The following TIAM1 variants were observed in gnomAD, a reference collection of about 807,000 sequenced individuals.
TIAM1 encodes rho guanine nucleotide exchange factor TIAM1.
A neutral mutation model predicts 163.5 loss-of-function variants in TIAM1; 65 were observed. That is an observed-to-expected ratio of 0.40 (90% confidence interval 0.33 to 0.49). The LOEUF is 0.49. Ranked by LOEUF, TIAM1 falls within the 20% of genes least tolerant of loss-of-function variation. TIAM1 has a pLI of 0.77. For missense variants in TIAM1, 1,789 were observed against 2,044.7 expected, an observed-to-expected ratio of 0.87 and a Z score of 2.41; for synonymous variants, 833 against 810.1, an observed-to-expected ratio of 1.03 and a Z score of -0.48.
At chr21:31,412,930 G>T (rs899189720) in intron 2 of TIAM1, among the ~76,000 whole-genome samples, 1 of 152,038 alleles carries the variant, frequency 6.6e-6, no homozygotes, top group African/African-American at 2.4e-5. Context: ...TCACTCACAG[G>T]CCGCATACCT....
chr21:31,164,951 A>G lies in TIAM1; in HGVS notation c.2991+11T>C. 6.2e-7 allele frequency: 1 copy of G among 1,613,504 alleles called. No homozygotes were observed. The highest frequency in any genetic ancestry group is 8.5e-7 in the Non-Finnish European group (1 of 1,179,600). ...TTCAAAGCATGGGATGTGAAAATGAAAATCTCTCACCTTGCTGCTGTGATC... is the reference window on the plus strand; with the variant it reads ...TTCAAAGCATGGGATGTGAAAATGAGAATCTCTCACCTTGCTGCTGTGATC... On this transcript the variant is annotated intron_variant, in intron 16 of 27. Coordinates refer to ENST00000541036, the MANE Select transcript of TIAM1 (RefSeq NM_001353694.2).
rs935137873 is a variant in TIAM1 at position 31,295,222 on chromosome 21, G to C, written c.-188-18314C>G. Among the ~76,000 whole-genome samples, 109 of 152,134 alleles carry C rather than the reference G, an allele frequency of 7.2e-4. 1 individual carries two copies. The highest frequency in any genetic ancestry group is 1.2e-3 in the Non-Finnish European group (80 of 68,038). On this transcript the variant is annotated intron_variant, in intron 2 of 27. Coordinates refer to ENST00000541036, the MANE Select transcript of TIAM1 (RefSeq NM_001353694.2). ...GCGGTGGCTTACGCCTGCAATCCCA[G>C]CACTTTGGGAGGCCAAGGCGGGCGG...
rs373702154 is a variant in TIAM1, at chr21:31,327,643, C to CAAAAAAAA, written c.-189+11592_-189+11599dup. ...GCAACAGAGTGAAACGCCGCCATCT[C>CAAAAAAAA]AAAAAAAAAAAAAAAAAAAGGAAAG... On this transcript the variant is annotated intron_variant, in intron 2 of 27. Coordinates refer to ENST00000541036, the MANE Select transcript of TIAM1 (RefSeq NM_001353694.2). Among the ~76,000 whole-genome samples the CAAAAAAAA allele has an allele frequency of 9.2e-3, 636 of 69,184 alleles. 17 individuals are homozygous for CAAAAAAAA. The highest frequency in any genetic ancestry group is 0.016 in the African/African-American group (247 of 15,212). The allele number at this position is 69,184 out of a possible 152,430, so 45.4% of individuals were successfully genotyped here.
chr21:31,374,931 G>A (rs1016638753), intron 2 of TIAM1, among the ~76,000 whole-genome samples: 1 of 152,170 alleles, frequency 6.6e-6, no homozygotes, highest in Non-Finnish European at 1.5e-5. Context: ...CACTAAAAAT[G>A]AAGTTTGGCA....
At chr21:31,308,705 G>T (rs2074811617) in intron 2 of TIAM1, among the ~76,000 whole-genome samples, 1 of 152,064 alleles carries the variant, frequency 6.6e-6, no homozygotes, top group South Asian at 2.1e-4. Flanking sequence ...TGATGGAGGT[G>T]GGAGGGTTGC....
In TIAM1 at chr21:31,203,114, TTTGTTGTTG is replaced by T. The variant is rs370954256; in HGVS notation, c.2389-111_2389-103del. ...CGATGTATTCCTATGACCAATAGAG[TTTGTTGTTG>T]TTGTTGTTGTTGTTTTGAGATGGAG... On this transcript the variant is annotated intron_variant, in intron 11 of 27. Coordinates refer to ENST00000541036, the MANE Select transcript of TIAM1 (RefSeq NM_001353694.2). The T allele has an allele frequency of 2.9e-4, 278 of 967,346 alleles. No homozygotes were observed. In the African/African-American group the frequency reaches 4.0e-3, roughly 14 times the overall value. 59.9% of individuals were successfully genotyped at this position (967,346 alleles called of 1,614,324 possible).
chr21:31,253,961 T>C (rs1487338543), intron 4 of TIAM1, among the ~76,000 whole-genome samples: 1 of 152,230 alleles, frequency 6.6e-6, no homozygotes, highest in East Asian at 1.9e-4. Flanking sequence ...TTATTCAGGA[T>C]AACCAATGAG....
chr21:31,283,583 C>T (rs1347891489), intron 2 of TIAM1, among the ~76,000 whole-genome samples: 3 of 151,522 alleles, frequency 2.0e-5, no homozygotes, highest in Non-Finnish European at 4.4e-5. Flanking sequence ...GTTGCTCTGT[C>T]GCCCAGGCTG....
intron 22 of TIAM1, among the ~76,000 whole-genome samples, chr21:31,139,793 C>T (rs1318344299): frequency 6.6e-6 from 1 of 152,162 alleles, no homozygotes; most frequent in African/African-American, 2.4e-5. Flanking sequence ...ACTACATATC[C>T]TCTACAGCAG....
chr21:31,462,906 C>T (rs1022164987), intron 2 of TIAM1, among the ~76,000 whole-genome samples: 3 of 152,164 alleles, frequency 2.0e-5, no homozygotes, highest in African/African-American at 4.8e-5. Flanking sequence ...CCATGCCCAA[C>T]TAATTTTTGT....
rs993577804 is a variant in TIAM1 at position 31,412,933 on chromosome 21, G to T, written c.-369+51050C>A. On this transcript the variant is annotated intron_variant, in intron 2 of 28. Transcript: ENST00000286827. ...AGGTGGTAATGCTCACTCACAGGCCGCATACCTCCTGCTGCGTGGCCTGGT... is the reference window on the plus strand; with the variant it reads ...AGGTGGTAATGCTCACTCACAGGCCTCATACCTCCTGCTGCGTGGCCTGGT... Among the ~76,000 whole-genome samples, 3 of 151,962 alleles carry T rather than the reference G, an allele frequency of 2.0e-5. No homozygotes were observed. In the East Asian group the frequency reaches 5.8e-4, roughly 29 times the overall value.
chr21:31,274,534 T>C (rs1334062021), intron 3 of TIAM1, among the ~76,000 whole-genome samples: 1 of 152,158 alleles, frequency 6.6e-6, no homozygotes, highest in African/African-American at 2.4e-5. Flanking sequence ...ATGCCCTCAA[T>C]TACACCAGCG....
Position 31,442,237 on chromosome 21 carries a change from T to G in TIAM1, c.-369+21746A>C, listed in dbSNP as rs180852537. ...CGTAACGTCAGGAGTAGGGAGTTTT[T>G]TTTTTTTTTTTTTGAAACAGAGTCT... On this transcript the variant is annotated intron_variant, in intron 2 of 28. Coordinates refer to the TIAM1 transcript ENST00000286827. 1.2e-3 allele frequency among the ~76,000 whole-genome samples: 171 copies of G among 144,984 alleles called. 1 individual carries two copies. Among genetic ancestry groups the G allele is most frequent in the Non-Finnish European group, 1.2e-3 (80 of 65,618 alleles).
intron 2 of TIAM1, among the ~76,000 whole-genome samples, chr21:31,314,540 G>A (rs1295566803): frequency 6.6e-6 from 1 of 152,002 alleles, no homozygotes; most frequent in Non-Finnish European, 1.5e-5. Context: ...CTTAAACAGG[G>A]ACCCATATTT....
intron 1 of TIAM1, among the ~76,000 whole-genome samples, chr21:31,543,560 G>C (rs1004564866): frequency 6.6e-6 from 1 of 152,116 alleles, no homozygotes; most frequent in African/African-American, 2.4e-5. Flanking sequence ...AAGTCACGGA[G>C]GAAGCAGAAC....
intron 1 of TIAM1, among the ~76,000 whole-genome samples, chr21:31,553,371 C>T (rs969442662): frequency 6.6e-6 from 1 of 152,132 alleles, no homozygotes; most frequent in African/African-American, 2.4e-5. Context: ...TGGAGATGCA[C>T]ATTCTGCAAG....
chr21:31,221,362 G>A (rs754843881), intron 8 of TIAM1, among the ~76,000 whole-genome samples: 1 of 152,226 alleles, frequency 6.6e-6, no homozygotes, highest in Non-Finnish European at 1.5e-5. Flanking sequence ...GAAAGGAACA[G>A]AGAGTTGAAC....
rs571964637 is a variant in TIAM1, at chr21:31,151,409, C to T, written c.3366+1227G>A. ...AAAAGGGATGAGCTCTTGATACACA[C>T]AGCAATATGGACGGATCTCAGTACA... On this transcript the variant is annotated intron_variant, in intron 19 of 27. Transcript: ENST00000541036. Among the ~76,000 whole-genome samples, 480 of 152,312 alleles carry T rather than the reference C, an allele frequency of 3.2e-3. 3 individuals are homozygous for T. The highest frequency in any genetic ancestry group is 0.01 in the African/African-American group (421 of 41,570).
intron 2 of TIAM1, among the ~76,000 whole-genome samples, chr21:31,390,704 T>C (rs1420207942): frequency 6.6e-6 from 1 of 152,212 alleles, no homozygotes; most frequent in Admixed American, 6.5e-5. Flanking sequence ...AACCACCTTG[T>C]ATAAATGTAT....
Sources: allele counts gnomAD v4.1 joint callset (sites outside exome capture counted in the v4.1 genomes callset), GRCh38; gene constraint gnomAD v4.1.1; transcripts MANE v1.5; gene names NCBI Gene and HGNC (gene_info 2026-07-23, HGNC 2026-07-21).